INPP4B: variants seen among roughly 807,000 people sequenced by gnomAD.
INPP4B encodes the protein inositol polyphosphate 4-phosphatase type II.
A neutral mutation model predicts 122.5 loss-of-function variants in INPP4B; 55 were observed. The ratio of observed to expected loss-of-function variants is 0.45; its 90% CI spans 0.36 to 0.56. The LOEUF (loss-of-function observed/expected upper bound fraction) is 0.56, where lower values mean the gene tolerates loss of function less well. Ranked by LOEUF, INPP4B falls within the 20% of genes least tolerant of loss-of-function variation. INPP4B has a pLI of 0.00. For missense variants in INPP4B, 1,000 were observed against 1,097.7 expected (o/e 0.91, Z 1.26); for synonymous variants, 403 against 388.7 (o/e 1.04, Z -0.43).
chr4:142,714,110 C>T (rs1364446120), intron 2 of INPP4B, among the ~76,000 whole-genome samples: 1 of 152,152 alleles, frequency 6.6e-6, no homozygotes, highest in Non-Finnish European at 1.5e-5. Flanking sequence ...CATACAATTA[C>T]ATCATAAAAT....
intron 7 of INPP4B, among the ~76,000 whole-genome samples, chr4:142,390,896 G>A (rs4566727): frequency 0.21 from 31,253 of 151,942 alleles, 4,369 homozygotes; most frequent in African/African-American, 0.4. Flanking sequence ...AGAATATGGT[G>A]TCTTTTAGGA....
chr4:142,320,973 G>A (rs144898475), intron 7 of INPP4B, among the ~76,000 whole-genome samples: 159 of 152,244 alleles, frequency 1.0e-3, no homozygotes, highest in Admixed American at 2.7e-3. Flanking sequence ...TTTCCTCTGG[G>A]TAGATACCCA....
intron 2 of INPP4B, among the ~76,000 whole-genome samples, chr4:142,593,954 C>A (rs933380748): frequency 6.6e-6 from 1 of 151,872 alleles, no homozygotes; most frequent in East Asian, 1.9e-4. Flanking sequence ...TATCTTAGAT[C>A]TTTTCATATC....
Position 142,270,680 on chromosome 4 carries a change from C to A in INPP4B, c.598G>T (p.Asp200Tyr). Residue 200 changes from aspartate to tyrosine, a missense_variant, in exon 10 of 26, where the codon GAT becomes TAT. By Grantham distance (160) the Asp-to-Tyr change is radical. Transcript: ENST00000262992. ...EDGEADHITT[D>Y]VQGQKCALVC... is the part of the protein sequence containing the mutation. ...GATCCTACCTTTTGTCCCTGTACAT[C>A]TGTGGTGATGTGGTCGGCTTCCCCA... The A allele has an allele frequency of 1.2e-6, 2 of 1,607,144 alleles. No individual in the cohort carries two copies. The highest frequency in any genetic ancestry group is 1.7e-6 in the Non-Finnish European group (2 of 1,173,708).
At position 142,452,898 on chromosome 4, in the gene INPP4B, CACA is replaced by C. The variant is rs1814611989; in HGVS notation, c.-127+9762_-127+9764del. ...ACTTGAAAATATAAAATTGCTATCA[CACA>C]ACAACGGTTTAAAAAAAAAATGGAA... On this transcript the variant is annotated intron_variant, in intron 3 of 25. Transcript: ENST00000262992. Among the ~76,000 whole-genome samples the C allele has an allele frequency of 3.3e-5, 5 of 151,202 alleles. No individual in the cohort carries two copies. The Admixed American group carries it at 3.3e-4, about 10-fold the overall frequency.
chr4:142,401,321 G>T (rs1006825488), intron 7 of INPP4B, among the ~76,000 whole-genome samples: 17 of 152,062 alleles, frequency 1.1e-4, no homozygotes, highest in Admixed American at 6.6e-4. Context: ...ATCAAAGCTG[G>T]TCTAAATATC....
intron 2 of INPP4B, among the ~76,000 whole-genome samples, chr4:142,710,404 T>C (rs925518296): frequency 1.3e-5 from 2 of 152,168 alleles, no homozygotes; most frequent in African/African-American, 4.8e-5. Flanking sequence ...ATGTGGACAA[T>C]GGTTCCAAGA....
In INPP4B at chr4:142,051,786, A is replaced by G. The variant is rs1207979199; in HGVS notation, c.2643-22872T>C. On this transcript the variant is annotated intron_variant, in intron 25 of 25. Coordinates refer to ENST00000262992, the MANE Select transcript of INPP4B (RefSeq NM_001101669.3). ...GTAGAAAATTAATTCAACTGTCTAA[A>G]TAATTCTTACGAAAGTGTATTATTC... Among the ~76,000 whole-genome samples the G allele has an allele frequency of 5.3e-5, 8 of 152,062 alleles. No individual in the cohort carries two copies. The East Asian group carries it at 1.5e-3, about 29-fold the overall frequency.
intron 6 of INPP4B, 102 bp from the exon 7 acceptor site, chr4:142,403,156 T>C: frequency 1.4e-6 from 1 of 721,982 alleles, no homozygotes; most frequent in African/African-American, 1.8e-5. Context: ...CCTGAGTCTG[T>C]TTTTCAAGGA....
intron 9 of INPP4B, among the ~76,000 whole-genome samples, chr4:142,284,154 TCA>T (rs151201758): frequency 0.044 from 6,731 of 151,956 alleles, 483 homozygotes; most frequent in African/African-American, 0.15. Context: ...CAAAAGACAA[TCA>T]GAGGAGGGAG....
intron 2 of INPP4B, among the ~76,000 whole-genome samples, chr4:142,515,020 T>C (rs1379619030): frequency 6.6e-6 from 1 of 151,974 alleles, no homozygotes; most frequent in African/African-American, 2.4e-5. Context: ...GGTCTTAAAC[T>C]CCTGACCTCA....
chr4:142,117,279 G>GA (rs765277704), intron 21 of INPP4B, among the ~76,000 whole-genome samples: 2 of 151,234 alleles, frequency 1.3e-5, no homozygotes, highest in South Asian at 2.1e-4. Context: ...CCAATCAATA[G>GA]AAAAAAAACG....
intron 23 of INPP4B, among the ~76,000 whole-genome samples, chr4:142,099,590 A>T (rs960978026): frequency 6.6e-6 from 1 of 152,134 alleles, no homozygotes; most frequent in African/African-American, 2.4e-5. Flanking sequence ...GTATCTTCTT[A>T]TATCTTTAAA....
intron 3 of INPP4B, among the ~76,000 whole-genome samples, chr4:142,455,196 A>G (rs990558998): frequency 3.9e-5 from 6 of 152,038 alleles, no homozygotes; most frequent in African/African-American, 1.4e-4. Context: ...TTATTTTAAT[A>G]TATACGATTA....
chr4:142,572,529 A>G (rs752092875), intron 2 of INPP4B, among the ~76,000 whole-genome samples: 26 of 152,248 alleles, frequency 1.7e-4, no homozygotes, highest in Admixed American at 7.2e-4. Context: ...AGAAATTTGC[A>G]TGTTATTATT....
At chr4:142,239,475 T>G (rs2149996121) in intron 11 of INPP4B, among the ~76,000 whole-genome samples, 1 of 152,294 alleles carries the variant, frequency 6.6e-6, no homozygotes, top group South Asian at 2.1e-4. Context: ...TTTTGTCAAT[T>G]TGGTTGTTTA....
At chr4:142,070,186 G>A (rs538476160) in intron 25 of INPP4B, among the ~76,000 whole-genome samples, 10 of 152,072 alleles carry the variant, frequency 6.6e-5, no homozygotes, top group South Asian at 2.1e-4. Flanking sequence ...TTCAACATAC[G>A]CAAATTAATA....
rs1561329215 is a variant in INPP4B, at chr4:142,160,430, G to C, written c.1491C>G (p.Pro497=). Residue 497 remains proline, a synonymous_variant, in exon 17 of 26, where the codon CCC becomes CCG. Transcript: ENST00000262992. The stretch of plus-strand genomic sequence containing the variant: ...CTCTCATCACTGGGGGTTGGTCTTG[G>C]GGACTGCTCTCCTCTGTGCTGCTCT... The part of the protein sequence containing the change: ...SPKSSTEESS[P]QDQPPVMRGQ... 6.2e-7 allele frequency: 1 copy of C among 1,609,676 alleles called. No individual in the cohort carries two copies. The highest frequency in any genetic ancestry group is 1.7e-5 in the Admixed American group (1 of 59,852).
chr4:142,662,137 A>C (rs1003654997), intron 2 of INPP4B, among the ~76,000 whole-genome samples: 3 of 151,992 alleles, frequency 2.0e-5, no homozygotes, highest in Admixed American at 2.0e-4. Flanking sequence ...CGGGAGGCTG[A>C]GGCAGGAGAA....
Sources: allele counts gnomAD v4.1 joint callset (sites outside exome capture counted in the v4.1 genomes callset), GRCh38; gene constraint gnomAD v4.1.1; transcripts MANE v1.5; gene names NCBI Gene and HGNC (gene_info 2026-07-23, HGNC 2026-07-21).